The following SOX5 variants were observed in gnomAD, a reference collection of about 807,000 sequenced individuals.
SOX5 encodes SRY-box transcription factor 5, also known as transcription factor SOX-5.
Under a neutral mutation model 92.0 loss-of-function variants are expected in SOX5, and 9 were observed. The ratio of observed to expected loss-of-function variants is 0.10; its 90% CI spans 0.06 to 0.17. SOX5 has a LOEUF of 0.17. Among genes scored for constraint, SOX5 ranks in the 10% least tolerant of loss-of-function variants. SOX5 has a pLI of 1.00. For synonymous variants in SOX5, 344 were observed against 336.3 expected (o/e 1.02, Z -0.25); for missense variants, 642 against 944.5 (o/e 0.68, Z 4.20).
intron 2 of SOX5, among the ~76,000 whole-genome samples, chr12:24,361,826 C>T (rs1955603623): frequency 6.6e-6 from 1 of 152,208 alleles, no homozygotes; most frequent in Admixed American, 6.5e-5. Context: ...TCTGGTACAG[C>T]AGTCTCTCTG....
intron 1 of SOX5, among the ~76,000 whole-genome samples, chr12:24,542,269 C>T (rs1952203997): frequency 6.6e-6 from 1 of 152,164 alleles, no homozygotes; most frequent in Non-Finnish European, 1.5e-5. Context: ...GTTCTCTATG[C>T]TTACTCACCC....
intron 1 of SOX5, among the ~76,000 whole-genome samples, chr12:23,941,656 G>A (rs1006075576): frequency 5.3e-5 from 8 of 151,404 alleles, no homozygotes; most frequent in African/African-American, 1.9e-4. Flanking sequence ...AATAGATAAT[G>A]CTGTATCATA....
intron 2 of SOX5, among the ~76,000 whole-genome samples, chr12:23,848,631 C>T (rs2096599657): frequency 6.6e-6 from 1 of 152,134 alleles, no homozygotes; most frequent in African/African-American, 2.4e-5. Flanking sequence ...CTATCTTTTT[C>T]AGAGTTCCTT....
chr12:24,353,307 G>C (rs1196823434), intron 2 of SOX5, among the ~76,000 whole-genome samples: 1 of 152,140 alleles, frequency 6.6e-6, no homozygotes, highest in Non-Finnish European at 1.5e-5. Context: ...GGGGAGTCCA[G>C]AATCTGGAGT....
intron 1 of SOX5, among the ~76,000 whole-genome samples, chr12:23,906,710 T>A (rs1438410712): frequency 3.9e-5 from 6 of 152,210 alleles, no homozygotes; most frequent in African/African-American, 1.4e-4. Flanking sequence ...GTAAAAATCT[T>A]TTATTAATAA....
chr12:24,427,780 C>A (rs1487196851), intron 1 of SOX5, among the ~76,000 whole-genome samples: 1 of 152,124 alleles, frequency 6.6e-6, no homozygotes, highest in Non-Finnish European at 1.5e-5. Flanking sequence ...AAATCCACGA[C>A]GGTGGAAATA....
intron 3 of SOX5, among the ~76,000 whole-genome samples, chr12:24,228,613 T>A (rs932357847): frequency 3.9e-5 from 6 of 152,204 alleles, no homozygotes; most frequent in Non-Finnish European, 8.8e-5. Context: ...TGGAGCTATA[T>A]AGTACTGGCA....
chr12:24,506,067 T>C (rs1015271147), intron 1 of SOX5, among the ~76,000 whole-genome samples: 3 of 152,178 alleles, frequency 2.0e-5, no homozygotes, highest in Non-Finnish European at 4.4e-5. Flanking sequence ...ACAGCAATAA[T>C]AACATGACCA....
At chr12:24,137,122 T>C (rs531548006) in intron 4 of SOX5, among the ~76,000 whole-genome samples, 3 of 152,328 alleles carry the variant, frequency 2.0e-5, no homozygotes, top group East Asian at 3.9e-4. Flanking sequence ...AGCTTCTTTT[T>C]AGTGGTTTGT....
intron 8 of SOX5, among the ~76,000 whole-genome samples, chr12:23,628,147 T>C (rs902605576): frequency 1.3e-5 from 2 of 152,114 alleles, no homozygotes; most frequent in African/African-American, 4.8e-5. Flanking sequence ...TTTGGTTAAG[T>C]GTCTTTGCTT....
chr12:24,320,603 C>A (rs1227437076), intron 2 of SOX5, among the ~76,000 whole-genome samples: 1 of 152,062 alleles, frequency 6.6e-6, no homozygotes, highest in East Asian at 1.9e-4. Context: ...CGGTGGCTCA[C>A]GCCTGTAATA....
At position 24,079,486 on chromosome 12, in the gene SOX5, G is replaced by T. The variant is rs532418398; in HGVS notation, c.-2+133857C>A. 7.7e-4 allele frequency among the ~76,000 whole-genome samples: 117 copies of T among 152,050 alleles called. 1 individual carries two copies. Among genetic ancestry groups the T allele is most frequent in the African/African-American group, 2.8e-3 (116 of 41,514 alleles). On this transcript the variant is annotated intron_variant, in intron 4 of 4. Coordinates refer to the SOX5 transcript ENST00000446891. ...CATTTTTGCATATTTCCTAAATTAAGGGGGATGTTTTTATTGTTTTATTTA... is the reference window on the plus strand; with the variant it reads ...CATTTTTGCATATTTCCTAAATTAATGGGGATGTTTTTATTGTTTTATTTA...
At chr12:24,162,642 T>C (rs1192913517) in intron 4 of SOX5, among the ~76,000 whole-genome samples, 1 of 152,184 alleles carries the variant, frequency 6.6e-6, no homozygotes, top group Non-Finnish European at 1.5e-5. Context: ...ATCGTGTGAA[T>C]ATTATCCTTT....
intron 1 of SOX5, among the ~76,000 whole-genome samples, chr12:24,536,708 C>G (rs1951673073): frequency 1.3e-5 from 2 of 152,244 alleles, no homozygotes; most frequent in South Asian, 4.1e-4. Flanking sequence ...TTCTTGAAAA[C>G]CTTTGTCATT....
intron 4 of SOX5, among the ~76,000 whole-genome samples, chr12:24,179,547 G>A (rs1015170869): frequency 1.3e-5 from 2 of 152,084 alleles, no homozygotes; most frequent in Admixed American, 6.6e-5. Context: ...AGAGCTTTTC[G>A]GATATTGTAT....
intron 1 of SOX5, among the ~76,000 whole-genome samples, chr12:24,536,630 T>G (rs1459183127): frequency 6.6e-6 from 1 of 152,224 alleles, no homozygotes; most frequent in African/African-American, 2.4e-5. Context: ...CTTCTGGCCC[T>G]AATTAAGATT....
intron 1 of SOX5, among the ~76,000 whole-genome samples, chr12:24,479,481 C>T (rs1945739330): frequency 1.3e-5 from 2 of 152,150 alleles, no homozygotes; most frequent in Admixed American, 6.5e-5. Flanking sequence ...GGAAAATGAG[C>T]TAAAGAGAGG....
At chr12:23,951,012 C>T (rs943814023), upstream of SOX5, 7 of 711,352 alleles carry the variant, frequency 9.8e-6, 1 homozygote, top group South Asian at 6.9e-5. Flanking sequence ...CACTCACTCA[C>T]GCACGCTCTC....
intron 4 of SOX5, among the ~76,000 whole-genome samples, chr12:24,106,714 C>T (rs192945390): frequency 2.3e-3 from 343 of 151,248 alleles, no homozygotes; most frequent in Middle Eastern, 3.5e-3. Context: ...ATTGCTTGAG[C>T]CCAGGAGGCG....
Sources: gnomAD v4.1 joint callset for allele counts (sites outside exome capture counted in the v4.1 genomes callset) on GRCh38, gnomAD v4.1.1 for gene constraint, MANE v1.5 for transcripts, NCBI Gene and HGNC (gene_info 2026-07-23, HGNC 2026-07-21) for gene names.